Variants in SPAG17 observed in about 807,000 individuals in gnomAD.
SPAG17 encodes the protein sperm associated antigen 17, also known as sperm-associated antigen 17.
In SPAG17, 169 loss-of-function variants were observed where a neutral mutation model predicts 273.6. The ratio of observed to expected loss-of-function variants is 0.62; its 90% CI spans 0.55 to 0.70. SPAG17 has a LOEUF of 0.70. Among genes scored for constraint, SPAG17 ranks in the 30% least tolerant of loss-of-function variants. The pLI is 0.00. For synonymous variants in SPAG17, 825 were observed against 873.2 expected, an observed-to-expected ratio of 0.94 and a Z score of 0.97; for missense variants, 2,557 against 2,627.8, an observed-to-expected ratio of 0.97 and a Z score of 0.59.
intron 3 of SPAG17, among the ~76,000 whole-genome samples, chr1:118,147,828 T>G (rs912326908): frequency 6.6e-6 from 1 of 152,212 alleles, no homozygotes; most frequent in African/African-American, 2.4e-5. Context: ...AAATATGCAA[T>G]GTGGCTCTGA....
intron 45 of SPAG17, among the ~76,000 whole-genome samples, chr1:117,970,343 T>A (rs1168639254): frequency 6.6e-6 from 1 of 152,214 alleles, no homozygotes; most frequent in Non-Finnish European, 1.5e-5. Context: ...GGCTCCAACC[T>A]GAGTTTCAAC....
At position 118,028,259 on chromosome 1, in the gene SPAG17, C is replaced by G; in HGVS notation, c.3730+15G>C. The stretch of plus-strand genomic sequence containing the variant: ...TTGCTCCCTGCTTCCCCACCCTACC[C>G]CATATAGCACTTACCTGTAGATTCT... On this transcript the variant is annotated intron_variant, in intron 26 of 48. Transcript: ENST00000336338. The G allele has an allele frequency of 6.2e-7, 1 of 1,606,428 alleles. No homozygotes were observed. The highest frequency in any genetic ancestry group is 8.5e-7 in the Non-Finnish European group (1 of 1,177,322).
intron 20 of SPAG17, 100 bp from the exon 21 acceptor site, chr1:118,042,142 G>T (rs1047922248): frequency 1.4e-6 from 2 of 1,383,710 alleles, no homozygotes; most frequent in South Asian, 1.4e-5. Context: ...ATTTTTGTTA[G>T]TGTATCTCTG....
chr1:118,053,270 C>T (rs545519381), intron 20 of SPAG17, among the ~76,000 whole-genome samples: 43 of 151,876 alleles, frequency 2.8e-4, no homozygotes, highest in African/African-American at 4.1e-4. Context: ...ATCCAGAAAC[C>T]GGAGGCTTAC....
chr1:118,081,152 GCTGT>G lies in SPAG17; in HGVS notation c.2154_2157del (p.Arg718SerfsTer3). 6.2e-7 allele frequency: 1 copy of G among 1,613,826 alleles called. No individual in the cohort carries two copies. Among genetic ancestry groups the G allele is most frequent in the Non-Finnish European group, 8.5e-7 (1 of 1,179,964 alleles). ...TTCATGATGCTCTCCTGCTCTAACA[GCTGT>G]CTATTATCAGGGACTGAGAGTTTGA... On this transcript the variant is annotated frameshift_variant, in exon 15 of 49. Coordinates refer to ENST00000336338, the MANE Select transcript of SPAG17 (RefSeq NM_206996.4). LOFTEE classifies it high-confidence loss of function.
In SPAG17 at chr1:118,091,602, C is replaced by T. The variant is rs774467198; in HGVS notation, c.1359+4G>A. The T allele has an allele frequency of 1.9e-6, 3 of 1,569,426 alleles. No individual in the cohort carries two copies. Among genetic ancestry groups the T allele is most frequent in the Non-Finnish European group, 2.6e-6 (3 of 1,141,056 alleles). ...GTATACAACCTGGGAAAAAGCCTCCCCACCTGTTCCAGCATACAATGCAGT... is the reference window on the plus strand; with the variant it reads ...GTATACAACCTGGGAAAAAGCCTCCTCACCTGTTCCAGCATACAATGCAGT... On this transcript the variant is annotated splice_donor_region_variant and intron_variant, in intron 10 of 48. Coordinates refer to ENST00000336338, the MANE Select transcript of SPAG17 (RefSeq NM_206996.4).
intron 15 of SPAG17, among the ~76,000 whole-genome samples, chr1:118,079,260 C>T (rs996968728): frequency 2.0e-5 from 3 of 152,018 alleles, no homozygotes; most frequent in Non-Finnish European, 2.9e-5. Flanking sequence ...TATAAGACTA[C>T]TCAGGTTTTC....
At chr1:117,969,931 CAG>C in intron 46 of SPAG17, 123 bp downstream of exon 46, 1 of 818,228 alleles carries the variant, frequency 1.2e-6, no homozygotes, top group Non-Finnish European at 2.0e-6. Flanking sequence ...ATATTAAAAA[CAG>C]TAGACTTATA....
chr1:118,136,927 C>T (rs1658400880), intron 3 of SPAG17, among the ~76,000 whole-genome samples: 1 of 151,944 alleles, frequency 6.6e-6, no homozygotes, highest in Non-Finnish European at 1.5e-5. Flanking sequence ...AACAAGTTGG[C>T]AGGAAGAAGA....
intron 1 of SPAG17, among the ~76,000 whole-genome samples, chr1:118,182,246 T>C (rs1474479302): frequency 6.6e-6 from 1 of 152,004 alleles, no homozygotes; most frequent in East Asian, 1.9e-4. Flanking sequence ...GTAGTCAAAT[T>C]TGGAGAGAAA....
rs148770924 is a variant in SPAG17, at chr1:118,167,397, T to C, written c.88-16028A>G. Among the ~76,000 whole-genome samples the C allele has an allele frequency of 8.9e-3, 1,360 of 152,288 alleles. 21 individuals carry two copies. Among genetic ancestry groups the C allele is most frequent in the African/African-American group, 0.03 (1,251 of 41,582 alleles). ...ATGATTTTTGTACAATATCAGAACA[T>C]GCCTCCAGTTGTGACTGATTTTTTC... On this transcript the variant is annotated intron_variant, in intron 1 of 48. Transcript: ENST00000336338.
intron 20 of SPAG17, among the ~76,000 whole-genome samples, chr1:118,052,987 T>C (rs1380234931): frequency 1.3e-5 from 2 of 152,048 alleles, no homozygotes; most frequent in Non-Finnish European, 2.9e-5. Flanking sequence ...TGAATTTTAC[T>C]AAGACCCTCC....
chr1:118,010,667 G>A (rs1659377100), intron 30 of SPAG17, among the ~76,000 whole-genome samples: 1 of 152,138 alleles, frequency 6.6e-6, no homozygotes, highest in Non-Finnish European at 1.5e-5. Context: ...AAGATTTCAT[G>A]ACAAAGATAC....
intron 1 of SPAG17, among the ~76,000 whole-genome samples, chr1:118,176,163 A>G (rs937251162): frequency 1.3e-5 from 2 of 152,228 alleles, no homozygotes; most frequent in Admixed American, 6.5e-5. Context: ...TCACCTAATC[A>G]CAAAGGAAGA....
intron 15 of SPAG17, 80 bp downstream of exon 15, chr1:118,081,021 A>T: frequency 8.8e-7 from 1 of 1,133,778 alleles, no homozygotes; most frequent in Non-Finnish European, 1.3e-6. Context: ...AATGCATCTT[A>T]AACATTTTTT....
chr1:118,032,748 C>T (rs1049945771), intron 24 of SPAG17, among the ~76,000 whole-genome samples: 5 of 151,838 alleles, frequency 3.3e-5, no homozygotes, highest in South Asian at 2.1e-4. Flanking sequence ...CCTGCCACCA[C>T]GCCTGGCTAA....
intron 3 of SPAG17, among the ~76,000 whole-genome samples, chr1:118,116,701 A>G (rs1657100336): frequency 1.3e-5 from 2 of 152,240 alleles, no homozygotes; most frequent in South Asian, 2.1e-4. Flanking sequence ...TAGAGATCAC[A>G]TTGGGGTTCC....
At chr1:118,064,350 C>T (rs1366310399) in intron 18 of SPAG17, among the ~76,000 whole-genome samples, 5 of 151,130 alleles carry the variant, frequency 3.3e-5, no homozygotes, top group Non-Finnish European at 7.4e-5. Context: ...TGTCCAACAA[C>T]GATAGACTGG....
chr1:118,052,306 A>T (rs970198964), intron 20 of SPAG17, among the ~76,000 whole-genome samples: 4 of 151,746 alleles, frequency 2.6e-5, no homozygotes, highest in African/African-American at 9.7e-5. Context: ...GGACAGAAAC[A>T]CAAATAGCAC....
Sources: allele counts gnomAD v4.1 joint callset (sites outside exome capture counted in the v4.1 genomes callset), GRCh38; gene constraint gnomAD v4.1.1; transcripts MANE v1.5; gene names NCBI Gene and HGNC (gene_info 2026-07-23, HGNC 2026-07-21).